The following GMDS variants were observed in gnomAD, a reference collection of about 807,000 sequenced individuals.
GMDS encodes GDP-mannose 4,6 dehydratase.
A neutral mutation model predicts 49.9 loss-of-function variants in GMDS; 20 were observed. The observed-to-expected ratio is 0.40, with a 90% CI of 0.28 to 0.58. The LOEUF is 0.58. GMDS is among the 20% of genes least tolerant of loss of function. The pLI is 0.42. For synonymous variants in GMDS, 177 were observed against 178.6 expected (o/e 0.99, Z 0.07); for missense variants, 362 against 481.4 (o/e 0.75, Z 2.32).
At chr6:2,113,884 C>T (rs1279496409) in intron 4 of GMDS, among the ~76,000 whole-genome samples, 1 of 152,036 alleles carries the variant, frequency 6.6e-6, no homozygotes, top group East Asian at 1.9e-4. Flanking sequence ...GTGCCATTTC[C>T]GCCCATTAAC....
chr6:1,781,870 T>G (rs1447223595), intron 7 of GMDS, among the ~76,000 whole-genome samples: 1 of 151,770 alleles, frequency 6.6e-6, no homozygotes, highest in Non-Finnish European at 1.5e-5. Flanking sequence ...TTTTTTTTTT[T>G]GGCAAAAACT....
chr6:1,681,274 G>A (rs1764780539), intron 9 of GMDS, among the ~76,000 whole-genome samples: 1 of 152,076 alleles, frequency 6.6e-6, no homozygotes, highest in Non-Finnish European at 1.5e-5. Flanking sequence ...AAGACACGCT[G>A]GTACTTGTTG....
chr6:1,827,237 G>A (rs774966110), intron 7 of GMDS, among the ~76,000 whole-genome samples: 12 of 151,252 alleles, frequency 7.9e-5, no homozygotes, highest in Non-Finnish European at 1.5e-4. Flanking sequence ...TGAATACAAT[G>A]TTTTGGAATA....
chr6:2,220,374 T>C (rs1305666357), intron 1 of GMDS, among the ~76,000 whole-genome samples: 1 of 152,238 alleles, frequency 6.6e-6, no homozygotes, highest in Non-Finnish European at 1.5e-5. Flanking sequence ...TGTCTGGTGA[T>C]GCTCTGTGCT....
At chr6:1,790,041 C>T (rs1213162936) in intron 7 of GMDS, among the ~76,000 whole-genome samples, 1 of 152,162 alleles carries the variant, frequency 6.6e-6, no homozygotes, top group Non-Finnish European at 1.5e-5. Flanking sequence ...AAATATATGA[C>T]ATTGCATTTA....
At chr6:1,796,864 C>T (rs140582372) in intron 7 of GMDS, among the ~76,000 whole-genome samples, 4 of 152,310 alleles carry the variant, frequency 2.6e-5, no homozygotes, top group African/African-American at 9.6e-5. Flanking sequence ...AGATGCTTTA[C>T]CCATTCCCTT....
intron 6 of GMDS, among the ~76,000 whole-genome samples, chr6:1,953,753 A>G (rs186349269): frequency 1.3e-5 from 2 of 152,204 alleles, no homozygotes; most frequent in African/African-American, 4.8e-5. Context: ...AATCTTTAAG[A>G]GTAGATTTTA....
intron 4 of GMDS, among the ~76,000 whole-genome samples, chr6:2,045,191 A>G (rs1006015330): frequency 2.6e-5 from 4 of 152,074 alleles, no homozygotes; most frequent in African/African-American, 9.7e-5. Context: ...CATGTTAAAA[A>G]GTCTTAAATT....
At chr6:1,684,587 C>T (rs1764908349) in intron 9 of GMDS, among the ~76,000 whole-genome samples, 1 of 152,096 alleles carries the variant, frequency 6.6e-6, no homozygotes, top group African/African-American at 2.4e-5. Context: ...AAGGCCAGCA[C>T]AAAAGACACA....
At position 2,117,488 on chromosome 6, in the gene GMDS, G is replaced by C; in HGVS notation, c.216C>G (p.Pro72=). ...ACTTACTTCCTTCAATGTGAGCCTG[G>C]GGATTCTTATACAGATGCTCAATTC... The part of the protein sequence containing the change: ...TGRIEHLYKN[P]QAHIEGNMKL... Residue 72 remains proline, a synonymous_variant, in exon 3 of 11, where the codon CCC becomes CCG. Transcript: ENST00000380815. 6.3e-7 allele frequency: 1 copy of C among 1,593,376 alleles called. No individual in the cohort carries two copies. The highest frequency in any genetic ancestry group is 8.6e-7 in the Non-Finnish European group (1 of 1,161,200).
At chr6:1,677,840 A>C (rs1764674161) in intron 9 of GMDS, among the ~76,000 whole-genome samples, 1 of 151,618 alleles carries the variant, frequency 6.6e-6, no homozygotes, top group Non-Finnish European at 1.5e-5. Context: ...AGATATACCT[A>C]ATGTAAATGA....
chr6:2,207,161 TCAA>T (rs1779844101), intron 1 of GMDS, among the ~76,000 whole-genome samples: 1 of 152,132 alleles, frequency 6.6e-6, no homozygotes, highest in Non-Finnish European at 1.5e-5. Flanking sequence ...TCAACAATAA[TCAA>T]TGACCTAGGT....
chr6:2,113,294 C>A (rs773148007), intron 4 of GMDS, among the ~76,000 whole-genome samples: 3 of 152,162 alleles, frequency 2.0e-5, no homozygotes, highest in South Asian at 2.1e-4. Flanking sequence ...CTCACTCCCA[C>A]CCCCATTTCT....
intron 7 of GMDS, among the ~76,000 whole-genome samples, chr6:1,877,015 C>T (rs1759102377): frequency 6.6e-6 from 1 of 152,220 alleles, no homozygotes; most frequent in African/African-American, 2.4e-5. Context: ...TGGCTCTGGT[C>T]TCTGACATGC....
At chr6:1,863,040 A>AG (rs1758268363) in intron 7 of GMDS, among the ~76,000 whole-genome samples, 1 of 152,210 alleles carries the variant, frequency 6.6e-6, no homozygotes, top group African/African-American at 2.4e-5. Flanking sequence ...AACATGTAAA[A>AG]TGTTTGCATT....
chr6:1,974,398 G>C (rs1764780779), intron 4 of GMDS, among the ~76,000 whole-genome samples: 2 of 152,158 alleles, frequency 1.3e-5, no homozygotes, highest in South Asian at 4.1e-4. Flanking sequence ...TGGGGTTCAA[G>C]CACAGAAATG....
chr6:2,200,361 G>A (rs143780601), intron 1 of GMDS, among the ~76,000 whole-genome samples: 117 of 151,924 alleles, frequency 7.7e-4, no homozygotes, highest in South Asian at 6.0e-3. Flanking sequence ...AATCTAGGCA[G>A]TGAGGGCAGC....
chr6:1,998,287 G>C (rs577430386), intron 4 of GMDS, among the ~76,000 whole-genome samples: 2 of 152,230 alleles, frequency 1.3e-5, no homozygotes, highest in East Asian at 3.9e-4. Flanking sequence ...TGAAATACCA[G>C]ATAAGAATAT....
chr6:2,104,786 A>G (rs1314606554), intron 4 of GMDS, among the ~76,000 whole-genome samples: 1 of 152,244 alleles, frequency 6.6e-6, no homozygotes, highest in African/African-American at 2.4e-5. Flanking sequence ...CTTGAAAAAC[A>G]AAAGTTGAAA....
Sources: gnomAD v4.1 joint callset for allele counts (sites outside exome capture counted in the v4.1 genomes callset) on GRCh38, gnomAD v4.1.1 for gene constraint, MANE v1.5 for transcripts, NCBI Gene and HGNC (gene_info 2026-07-23, HGNC 2026-07-21) for gene names.